ARHGAP35: variants seen among roughly 807,000 people sequenced by gnomAD.
ARHGAP35 encodes rho GTPase-activating protein 35.
In ARHGAP35, 15 loss-of-function variants were observed where a neutral mutation model predicts 111.1. The observed-to-expected ratio is 0.13, with a 90% CI of 0.09 to 0.21. The LOEUF is 0.21. Among genes scored for constraint, ARHGAP35 ranks in the 10% least tolerant of loss-of-function variants. ARHGAP35 has a pLI of 1.00. For missense variants in ARHGAP35, 1,262 were observed against 1,873.0 expected (o/e 0.67, Z 6.02); for synonymous variants, 643 against 710.3 (o/e 0.91, Z 1.51).
Position 46,992,862 on chromosome 19 carries a change from A to G in ARHGAP35, c.4036+3187A>G, listed in dbSNP as rs2056686514. 6.6e-6 allele frequency among the ~76,000 whole-genome samples: 1 copy of G among 152,182 alleles called. No homozygotes were observed. The highest frequency in any genetic ancestry group is 2.4e-5 in the African/African-American group (1 of 41,440). On this transcript the variant is annotated intron_variant, in intron 5 of 6. Transcript: ENST00000672722. The surrounding 1 kb of genome is among the most constrained non-coding windows in gnomAD (Gnocchi z 4.4). ...TGAGACTGTTGGGGCTAGAGATAAC[A>G]GTGCAGCCTAGGTTACCAGGGGACG...
chr19:46,882,884 G>A (rs866028713), intron 1 of ARHGAP35, among the ~76,000 whole-genome samples: 12 of 152,264 alleles, frequency 7.9e-5, no homozygotes, highest in Middle Eastern at 3.4e-3. Flanking sequence ...GTGTTCACTG[G>A]AGTAGCACTT....
At chr19:46,891,317 G>A (rs2056022321) in intron 1 of ARHGAP35, among the ~76,000 whole-genome samples, 1 of 152,180 alleles carries the variant, frequency 6.6e-6, no homozygotes, top group Non-Finnish European at 1.5e-5. Flanking sequence ...GCAGAAGAAG[G>A]AGTATTCTAC....
intron 1 of ARHGAP35, among the ~76,000 whole-genome samples, chr19:46,880,680 T>TTTATG (rs1479942620): frequency 1.3e-5 from 2 of 151,940 alleles, no homozygotes; most frequent in Non-Finnish European, 2.9e-5. Context: ...TTTATTTTAT[T>TTTATG]TTTATTTTTT....
intron 1 of ARHGAP35, among the ~76,000 whole-genome samples, chr19:46,906,540 A>C (rs1266306537): frequency 6.6e-6 from 1 of 152,210 alleles, no homozygotes; most frequent in African/African-American, 2.4e-5. Flanking sequence ...AAAGTGTATA[A>C]AGTATGTACG....
intron 3 of ARHGAP35, among the ~76,000 whole-genome samples, chr19:46,953,654 A>T (rs2056424147): frequency 6.6e-6 from 1 of 152,134 alleles, no homozygotes; most frequent in Non-Finnish European, 1.5e-5. Flanking sequence ...CTCTGGATGT[A>T]TACCCAGTCC....
rs2056173660 is a variant in ARHGAP35, at chr19:46,918,005, C to T, written c.-188-483C>T. On this transcript the variant is annotated intron_variant, in intron 1 of 6. Transcript: ENST00000672722. The surrounding 1 kb of genome is among the most constrained non-coding windows in gnomAD (Gnocchi z 5.4). Reference sequence around the variant, plus strand: ...CTGGGATTACAGGCGTAAGCTACCACGCCCGGCCCAGGTTCCTGTTTTTGC... The same window carrying T: ...CTGGGATTACAGGCGTAAGCTACCATGCCCGGCCCAGGTTCCTGTTTTTGC... Among the ~76,000 whole-genome samples, 1 of 152,312 alleles carries T rather than the reference C, an allele frequency of 6.6e-6. No homozygotes were observed. Among genetic ancestry groups the T allele is most frequent in the Middle Eastern group, 3.4e-3 (1 of 294 alleles).
rs1239111893 is a variant in ARHGAP35, at chr19:47,001,241, G to A, written c.*553G>A. Reference sequence around the variant, plus strand: ...CCACCACTAGGTACCTGCTGAGGGCGCTGGCTCTGCAGATCAGAACAACGG... The same window carrying A: ...CCACCACTAGGTACCTGCTGAGGGCACTGGCTCTGCAGATCAGAACAACGG... On this transcript the variant is annotated 3_prime_UTR_variant, in exon 7 of 7. Coordinates refer to ENST00000672722, the MANE Select transcript of ARHGAP35 (RefSeq NM_004491.5). This position sits in a 1 kb window ranked among gnomAD's most constrained non-coding sequence, Gnocchi z 5.4. 3 of 1,284,658 alleles carry A rather than the reference G, an allele frequency of 2.3e-6. No individual in the cohort carries two copies. The highest frequency in any genetic ancestry group is 2.3e-5 in the Admixed American group (1 of 42,660). 79.6% of individuals were successfully genotyped at this position (1,284,658 alleles called of 1,614,324 possible).
intron 1 of ARHGAP35, among the ~76,000 whole-genome samples, chr19:46,875,144 G>GT (rs776736833): frequency 2.0e-5 from 3 of 151,984 alleles, no homozygotes; most frequent in Non-Finnish European, 4.4e-5. Context: ...TAATTTTAAA[G>GT]TTTACCCCAT....
At chr19:46,937,178 C>CTTCCAG (rs2056314386) in intron 2 of ARHGAP35, 86 bp from the exon 3 acceptor site, 14 of 1,493,202 alleles carry the variant, frequency 9.4e-6, no homozygotes, top group Non-Finnish European at 1.3e-5. Flanking sequence ...TATACCACTG[C>CTTCCAG]TTCCCTTCTG....
At chr19:46,869,419 C>T (rs567238589) in intron 1 of ARHGAP35, among the ~76,000 whole-genome samples, 55 of 151,848 alleles carry the variant, frequency 3.6e-4, no homozygotes, top group Middle Eastern at 3.4e-3. Flanking sequence ...GAGCCATGAT[C>T]GCATCACTGC....
intron 1 of ARHGAP35, among the ~76,000 whole-genome samples, chr19:46,900,632 T>C (rs2056079793): frequency 6.6e-6 from 1 of 152,222 alleles, no homozygotes; most frequent in African/African-American, 2.4e-5. Flanking sequence ...GGACACTAAT[T>C]CATTAATTCC....
intron 1 of ARHGAP35, among the ~76,000 whole-genome samples, chr19:46,905,565 C>CCG (rs2056103254): frequency 6.8e-6 from 1 of 147,822 alleles, no homozygotes; most frequent in African/African-American, 2.5e-5. Context: ...ACCCCCCCCC[C>CCG]CCAAGACAGA....
At position 47,002,495 on chromosome 19, in the gene ARHGAP35, T is replaced by A. The variant is rs1298391449; in HGVS notation, c.*1807T>A. 3 of 152,330 alleles carry A rather than the reference T, an allele frequency of 2.0e-5. No individual in the cohort carries two copies. Among genetic ancestry groups the A allele is most frequent in the Non-Finnish European group, 4.4e-5 (3 of 68,030 alleles). 9.4% of individuals were successfully genotyped at this position (152,330 alleles called of 1,614,324 possible). Reference sequence around the variant, plus strand: ...TTTCTGTGAATGTTGGATGATGAATTTTTGTCTCTTCTGGTGGAGCTGTGC... The same window carrying A: ...TTTCTGTGAATGTTGGATGATGAATATTTGTCTCTTCTGGTGGAGCTGTGC... On this transcript the variant is annotated 3_prime_UTR_variant, in exon 7 of 7. Coordinates refer to ENST00000672722, the MANE Select transcript of ARHGAP35 (RefSeq NM_004491.5).
intron 1 of ARHGAP35, among the ~76,000 whole-genome samples, chr19:46,891,003 A>T (rs1223493135): frequency 6.6e-6 from 1 of 152,144 alleles, no homozygotes; most frequent in African/African-American, 2.4e-5. Flanking sequence ...AGTAGTCAGT[A>T]TGGTAATAAG....
chr19:46,953,809 C>T (rs1354976382), intron 3 of ARHGAP35, among the ~76,000 whole-genome samples: 3 of 152,168 alleles, frequency 2.0e-5, no homozygotes, highest in Non-Finnish European at 4.4e-5. Context: ...TCCCGTCCAA[C>T]CCTGTCTTTC....
rs1227907916 is a variant in ARHGAP35, at chr19:46,918,916, C to T, written c.241C>T (p.Arg81Cys). The T allele has an allele frequency of 1.4e-5, 22 of 1,613,776 alleles. No homozygotes were observed. Among genetic ancestry groups the T allele is most frequent in the East Asian group, 2.2e-5 (1 of 44,894 alleles). ...DHFLYWGEVS[R>C]SLEDCVECKM... ...CTTTCTCTACTGGGGAGAAGTTAGC[C>T]GCTCCCTGGAGGATTGTGTGGAATG... The change falls in exon 2 of 7, where the codon CGC becomes TGC. Residue 81 changes from arginine to cysteine, a missense_variant. Coordinates refer to ENST00000672722, the MANE Select transcript of ARHGAP35 (RefSeq NM_004491.5). This position sits in a 1 kb window ranked among gnomAD's most constrained non-coding sequence, Gnocchi z 5.4.
intron 1 of ARHGAP35, among the ~76,000 whole-genome samples, chr19:46,861,847 C>A (rs981351519): frequency 6.6e-6 from 1 of 152,098 alleles, no homozygotes; most frequent in Non-Finnish European, 1.5e-5. Flanking sequence ...TCTGAGACCC[C>A]TGTTCGGCCA....
At position 46,921,529 on chromosome 19, in the gene ARHGAP35, C is replaced by T. The variant is rs1297580031; in HGVS notation, c.2854C>T (p.His952Tyr). 20 of 1,613,996 alleles carry T rather than the reference C, an allele frequency of 1.2e-5. No homozygotes were observed. The highest frequency in any genetic ancestry group is 4.4e-5 in the South Asian group (4 of 91,076). The change falls in exon 2 of 7, where the codon CAT (histidine) becomes TAT (tyrosine). Residue 952 changes from histidine (H) to tyrosine (Y), a missense_variant. Around this residue, in one of 8 missense-constraint regions of ARHGAP35, gnomAD observed 579 missense variants for 716.9 expected, o/e 0.81. Coordinates refer to ENST00000672722, the MANE Select transcript of ARHGAP35 (RefSeq NM_004491.5). This position sits in a 1 kb window ranked among gnomAD's most constrained non-coding sequence, Gnocchi z 4.3. ...AAAAAAGAACATAATCGAGGCTACT[C>T]ATATGTACGATAATGCTGCCGAGGC... ...VEKKNIIEAT[H>Y]MYDNAAEACS...
chr19:46,930,492 G>T lies in ARHGAP35; in HGVS notation c.3682-6772G>T, dbSNP rs977504889. ...AAAAAAAAAAAAAAGACAAAAAAAG[G>T]CAGTGAATCCAACAGGCTGGGTTCT... On this transcript the variant is annotated intron_variant, in intron 2 of 6. Coordinates refer to ENST00000672722, the MANE Select transcript of ARHGAP35 (RefSeq NM_004491.5). 2.0e-5 allele frequency among the ~76,000 whole-genome samples: 3 copies of T among 147,478 alleles called. No individual in the cohort carries two copies. The South Asian group carries it at 6.7e-4, about 33-fold the overall frequency.
Sources: allele counts gnomAD v4.1 joint callset (sites outside exome capture counted in the v4.1 genomes callset), GRCh38; gene constraint gnomAD v4.1.1; regional missense constraint gnomAD v4.1.1; non-coding constraint Gnocchi (gnomAD v3.1); transcripts MANE v1.5; gene names NCBI Gene and HGNC (gene_info 2026-07-23, HGNC 2026-07-21).